The following TAF1 variants were observed in gnomAD, a reference collection of about 807,000 sequenced individuals.
The protein encoded by TAF1 is TATA-box binding protein associated factor 1.
Under a neutral mutation model 138.5 loss-of-function variants are expected in TAF1, and 2 were observed. That is an observed-to-expected ratio of 0.01 (90% CI 0.01 to 0.05). The LOEUF is 0.05. Among genes scored for constraint, TAF1 ranks in the 10% least tolerant of loss-of-function variants. The pLI is 1.00. For missense variants in TAF1, 709 were observed against 1,478.0 expected (o/e 0.48, Z 8.53); for synonymous variants, 437 against 503.2 (o/e 0.87, Z 1.76).
chrX:71,422,888 C>T (rs1474158827), intron 29 of TAF1, among the ~76,000 whole-genome samples: 11 of 109,086 alleles, frequency 1.0e-4, no homozygotes, highest in Admixed American at 3.9e-4. Context: ...TATAGGCGCC[C>T]GCCACCACGC....
At chrX:71,443,612 G>A (rs748206681) in intron 32 of TAF1, among the ~76,000 whole-genome samples, 16 of 112,016 alleles carry the variant, frequency 1.4e-4, no homozygotes, top group Admixed American at 1.1e-3. Flanking sequence ...CTGCAAACAG[G>A]AACAATTTGA....
chrX:71,449,681 A>G (rs1353617949), intron 32 of TAF1, among the ~76,000 whole-genome samples: 1 of 112,310 alleles, frequency 8.9e-6, no homozygotes, highest in Non-Finnish European at 1.9e-5. Flanking sequence ...TAGGTAGAAG[A>G]GCCTATACTG....
chrX:71,399,687 T>C (rs1459047771), intron 24 of TAF1, among the ~76,000 whole-genome samples: 1 of 105,837 alleles, frequency 9.4e-6, no homozygotes, highest in Non-Finnish European at 1.9e-5. Flanking sequence ...TTCTTGCGCC[T>C]CAGCCTCCCA....
intron 13 of TAF1, among the ~76,000 whole-genome samples, chrX:71,483,766 C>CTA (rs2039117379): frequency 7.8e-5 from 6 of 76,871 alleles, no homozygotes; most frequent in African/African-American, 2.7e-4. Context: ...CTCTCTCTCT[C>CTA]TCTCTCTCTC....
At chrX:71,505,139 A>G (rs942328417) in intron 13 of TAF1, among the ~76,000 whole-genome samples, 11 of 110,876 alleles carry the variant, frequency 9.9e-5, no homozygotes, top group Admixed American at 2.0e-4. Flanking sequence ...TCAAAAAAAT[A>G]TATATGTATA....
chrX:71,407,909 A>C, intron 27 of TAF1, 65 bp from the exon 28 acceptor site: 3 of 1,156,782 alleles, frequency 2.6e-6, no homozygotes, highest in Non-Finnish European at 3.5e-6. Flanking sequence ...AAGATGTGAA[A>C]GTCTTCAGGA....
chrX:71,478,829 G>A (rs1026256102), intron 13 of TAF1, among the ~76,000 whole-genome samples: 2 of 112,447 alleles, frequency 1.8e-5, no homozygotes, highest in Non-Finnish European at 3.8e-5. Context: ...GCCAATAAAC[G>A]TGAAAATGTT....
At chrX:71,422,907 T>G (rs1029074734) in intron 29 of TAF1, among the ~76,000 whole-genome samples, 3 of 108,839 alleles carry the variant, frequency 2.8e-5, no homozygotes, top group African/African-American at 6.7e-5. Context: ...GCCCAGCTAG[T>G]TTTTTTTTGT....
intron 14 of TAF1, 48 bp downstream of exon 14, chrX:71,385,097 A>G: frequency 1.0e-6 from 1 of 973,004 alleles, no homozygotes; most frequent in Non-Finnish European, 1.4e-6. Flanking sequence ...AAATTGATAA[A>G]TGAGGAACCA....
At chrX:71,384,507 T>G (rs1310141036) in intron 13 of TAF1, among the ~76,000 whole-genome samples, 1 of 109,736 alleles carries the variant, frequency 9.1e-6, no homozygotes, top group Admixed American at 9.8e-5. Flanking sequence ...ACCTCCTGGG[T>G]TTGGGCAATT....
chrX:71,503,275 AAAATATATATATATATATATGTGT>A (rs1569408204), intron 13 of TAF1, among the ~76,000 whole-genome samples: 1 of 85,568 alleles, frequency 1.2e-5, no homozygotes, highest in African/African-American at 5.3e-5. Context: ...TCTCAAAAAA[AAAATATATATATATATATATGTGT>A]ATATATATAT....
At chrX:71,496,732 GCT>G (rs1404833820) in intron 13 of TAF1, among the ~76,000 whole-genome samples, 3 of 101,311 alleles carry the variant, frequency 3.0e-5, no homozygotes, top group African/African-American at 1.1e-4. Context: ...TTTCTTTCTC[GCT>G]CTCTTTCTCT....
At chrX:71,503,298 G>GTGTGTATA (rs1556030944) in intron 13 of TAF1, among the ~76,000 whole-genome samples, 1 of 80,289 alleles carries the variant, frequency 1.2e-5, no homozygotes, top group African/African-American at 5.0e-5. Context: ...ATATATATGT[G>GTGTGTATA]TATATATATA....
chrX:71,471,134 G>GGT (rs2038876331), intron 13 of TAF1, among the ~76,000 whole-genome samples: 1 of 107,956 alleles, frequency 9.3e-6, no homozygotes, highest in African/African-American at 3.4e-5. Flanking sequence ...TGGCCAACAT[G>GGT]GTGAAACCCC....
chrX:71,366,558 G>GGAGGAAAGGA, intron 1 of TAF1, 64 bp downstream of exon 1: 2 of 1,036,529 alleles, frequency 1.9e-6, no homozygotes, highest in Non-Finnish European at 2.6e-6. Flanking sequence ...GGAGGTGCGG[G>GGAGGAAAGGA]GAGGAAAGGA....
intron 13 of TAF1, among the ~76,000 whole-genome samples, chrX:71,518,025 C>A (rs2039855206): frequency 9.1e-6 from 1 of 110,355 alleles, no homozygotes; most frequent in Admixed American, 9.7e-5. Flanking sequence ...CTGAGGCAGG[C>A]AGATTGCTTG....
intron 14 of TAF1, among the ~76,000 whole-genome samples, chrX:71,529,262 G>A (rs1385929331): frequency 9.1e-6 from 1 of 109,948 alleles, no homozygotes; most frequent in Non-Finnish European, 1.9e-5. Flanking sequence ...TAGTAGAGAC[G>A]GGGTTTCACC....
chrX:71,501,361 A>G (rs1352227662), intron 13 of TAF1, among the ~76,000 whole-genome samples: 2 of 111,193 alleles, frequency 1.8e-5, no homozygotes, highest in Non-Finnish European at 3.8e-5. Flanking sequence ...AAAGAAGGGA[A>G]CAGAGTCCTG....
At chrX:71,439,735 G>A (rs1366237544) in intron 32 of TAF1, among the ~76,000 whole-genome samples, 1 of 111,866 alleles carries the variant, frequency 8.9e-6, no homozygotes, top group East Asian at 2.8e-4. Flanking sequence ...GTTTTATTCT[G>A]TAATTTGCTC....
Sources: allele counts gnomAD v4.1 joint callset (sites outside exome capture counted in the v4.1 genomes callset), GRCh38; gene constraint gnomAD v4.1.1; transcripts MANE v1.5; gene names NCBI Gene and HGNC (gene_info 2026-07-23, HGNC 2026-07-21).